TBC1D19: variants seen among roughly 807,000 people sequenced by gnomAD.
TBC1D19 encodes TBC1 domain family, member 19.
In TBC1D19, 60 loss-of-function variants were observed where a neutral mutation model predicts 89.0. That is an observed-to-expected ratio of 0.67 (90% confidence interval 0.55 to 0.84). TBC1D19 has a LOEUF of 0.84. TBC1D19 is among the 40% of genes least tolerant of loss of function. The pLI, the probability that TBC1D19 is intolerant of heterozygous loss-of-function variation, is 0.00. For synonymous variants in TBC1D19, 189 were observed against 199.7 expected (o/e 0.95, Z 0.45); for missense variants, 500 against 610.8 (o/e 0.82, Z 1.91).
At chr4:26,738,366 A>C (rs755567510) in intron 16 of TBC1D19, among the ~76,000 whole-genome samples, 1 of 151,640 alleles carries the variant, frequency 6.6e-6, no homozygotes, top group Non-Finnish European at 1.5e-5. Flanking sequence ...GAATTGGAGG[A>C]AAAAATATGC....
chr4:26,717,444 C>T (rs1429636682), intron 13 of TBC1D19, among the ~76,000 whole-genome samples: 1 of 152,038 alleles, frequency 6.6e-6, no homozygotes, highest in African/African-American at 2.4e-5. Flanking sequence ...TAGCTTCTAC[C>T]CTTTATTAGG....
At chr4:26,642,082 C>T (rs554596679) in intron 7 of TBC1D19, among the ~76,000 whole-genome samples, 1 of 152,208 alleles carries the variant, frequency 6.6e-6, no homozygotes, top group East Asian at 1.9e-4. Flanking sequence ...CAGAAAACAC[C>T]ACAAAGACAC....
chr4:26,808,727 C>CAA, the TBC1D19 span, among the ~76,000 whole-genome samples: 4,497 of 94,530 alleles, frequency 0.048, 206 homozygotes, highest in African/African-American at 0.11. Context: ...GACTCTGTCT[C>CAA]AAAAAAAAAA....
chr4:26,818,421 G>T, the TBC1D19 span, among the ~76,000 whole-genome samples: 1 of 152,090 alleles, frequency 6.6e-6, no homozygotes, highest in East Asian at 1.9e-4. Flanking sequence ...TAGAGATGGG[G>T]GTGGGAGTTG....
chr4:26,699,373 G>C (rs948091367), intron 13 of TBC1D19, among the ~76,000 whole-genome samples: 2 of 152,206 alleles, frequency 1.3e-5, no homozygotes, highest in African/African-American at 4.8e-5. Context: ...ACAGGTGCTG[G>C]AGAGGATGTG....
chr4:26,636,901 T>G (rs985046620), intron 4 of TBC1D19, among the ~76,000 whole-genome samples: 8 of 152,292 alleles, frequency 5.3e-5, no homozygotes, highest in African/African-American at 1.9e-4. Flanking sequence ...ATCTGATATT[T>G]TCCATATAAT....
the TBC1D19 span, among the ~76,000 whole-genome samples, chr4:26,833,631 C>T: frequency 6.6e-6 from 1 of 152,350 alleles, no homozygotes; most frequent in African/African-American, 2.4e-5. Context: ...GCAGATGGAG[C>T]TGTTCGTAAA....
chr4:26,749,440 T>C (rs1222838035), intron 19 of TBC1D19, among the ~76,000 whole-genome samples: 1 of 124,206 alleles, frequency 8.1e-6, no homozygotes, highest in Non-Finnish European at 1.7e-5. Context: ...TATTAACATA[T>C]TCGGGTTGTT....
intron 16 of TBC1D19, among the ~76,000 whole-genome samples, chr4:26,738,628 T>C (rs972757529): frequency 2.0e-5 from 3 of 151,974 alleles, no homozygotes; most frequent in Middle Eastern, 3.4e-3. Flanking sequence ...ATAATACATA[T>C]TGTAATACAT....
At chr4:26,765,791 T>A in the TBC1D19 span, among the ~76,000 whole-genome samples, 1 of 152,180 alleles carries the variant, frequency 6.6e-6, no homozygotes, top group Non-Finnish European at 1.5e-5. Flanking sequence ...CTATTTTTTC[T>A]AATCTAGTGA....
At chr4:26,835,990 TC>T in the TBC1D19 span, among the ~76,000 whole-genome samples, 2 of 151,856 alleles carry the variant, frequency 1.3e-5, no homozygotes, top group African/African-American at 2.4e-5. Context: ...TCTCTCTCTC[TC>T]TCTCTCTCTC....
chr4:26,713,977 T>C (rs1057132173), intron 13 of TBC1D19, among the ~76,000 whole-genome samples: 2 of 152,106 alleles, frequency 1.3e-5, no homozygotes, highest in African/African-American at 4.8e-5. Flanking sequence ...AAATGAATGT[T>C]CATATATTGG....
At chr4:26,805,325 C>T in the TBC1D19 span, among the ~76,000 whole-genome samples, 2 of 152,282 alleles carry the variant, frequency 1.3e-5, no homozygotes, top group African/African-American at 4.8e-5. Context: ...AATATGCTCT[C>T]CAGGGGTTTC....
chr4:26,855,113 T>TCA, the TBC1D19 span, among the ~76,000 whole-genome samples: 1 of 152,178 alleles, frequency 6.6e-6, no homozygotes. Flanking sequence ...TGTGCGTGGC[T>TCA]CATGTCTCCC....
At chr4:26,648,116 G>GA (rs1744090763) in intron 7 of TBC1D19, among the ~76,000 whole-genome samples, 1 of 151,792 alleles carries the variant, frequency 6.6e-6, no homozygotes, top group South Asian at 2.1e-4. Flanking sequence ...TTCAGCAAGA[G>GA]AAAGAATGAA....
At chr4:26,630,498 AT>A (rs959684488) in intron 4 of TBC1D19, among the ~76,000 whole-genome samples, 57 of 149,502 alleles carry the variant, frequency 3.8e-4, no homozygotes, top group Admixed American at 8.0e-4. Flanking sequence ...CATAATCATG[AT>A]TTTTTTTTTG....
chr4:26,734,980 A>ATGTATATGTATATATGTATACACATT (rs1560503791), intron 15 of TBC1D19, among the ~76,000 whole-genome samples: 4 of 148,798 alleles, frequency 2.7e-5, no homozygotes, highest in Non-Finnish European at 1.5e-5. Flanking sequence ...GTATACACAT[A>ATGTATATGTATATATGTATACACATT]TGTATATGTA....
intron 2 of TBC1D19, 87 bp downstream of exon 2, chr4:26,613,328 C>A: frequency 1.3e-6 from 1 of 794,350 alleles, no homozygotes; most frequent in Non-Finnish European, 1.9e-6. Context: ...GCTTGTACAA[C>A]CACCTTACTT....
At chr4:26,622,009 C>A (rs2076387738) in intron 4 of TBC1D19, among the ~76,000 whole-genome samples, 1 of 151,944 alleles carries the variant, frequency 6.6e-6, no homozygotes, top group Admixed American at 6.6e-5. Context: ...AAACCAAACA[C>A]CGCATGTTCT....
Sources: allele counts gnomAD v4.1 joint callset (sites outside exome capture counted in the v4.1 genomes callset), GRCh38; gene constraint gnomAD v4.1.1; transcripts MANE v1.5; gene names NCBI Gene and HGNC (gene_info 2026-07-23, HGNC 2026-07-21).